NFAT5: variants seen among roughly 807,000 people sequenced by gnomAD.
NFAT5 encodes nuclear factor of activated T-cells 5.
In NFAT5, 31 loss-of-function variants were observed where a neutral mutation model predicts 166.5. That is an observed-to-expected ratio of 0.19 (90% CI 0.14 to 0.25). The LOEUF is 0.25. Among genes scored for constraint, NFAT5 ranks in the 10% least tolerant of loss-of-function variants. The probability of loss-of-function intolerance (pLI) is 1.00; values close to 1 mark genes in which losing one functional copy is unlikely to be tolerated. For synonymous variants in NFAT5, 612 were observed against 639.7 expected (o/e 0.96, Z 0.65); for missense variants, 1,449 against 1,821.8 (o/e 0.80, Z 3.72).
intron 11 of NFAT5, among the ~76,000 whole-genome samples, chr16:69,688,560 C>T (rs1192142905): frequency 1.3e-5 from 2 of 151,718 alleles, no homozygotes; most frequent in East Asian, 3.9e-4. Context: ...TTAGTAGAGA[C>T]GGGGTTTCAC....
chr16:69,658,026 G>T (rs1364155074), intron 6 of NFAT5, among the ~76,000 whole-genome samples: 1 of 150,658 alleles, frequency 6.6e-6, no homozygotes, highest in South Asian at 2.1e-4. Context: ...CAGACTTGCA[G>T]CGAGCCAAGA....
intron 2 of NFAT5, among the ~76,000 whole-genome samples, chr16:69,594,116 G>A (rs771671693): frequency 6.6e-6 from 1 of 152,170 alleles, no homozygotes. Flanking sequence ...ATATACAGTC[G>A]TGTGTAACTT....
At position 69,566,442 on chromosome 16, in the gene NFAT5, GGAGGC is replaced by G. The variant is rs1369629247; in HGVS notation, c.73+73_73+77del. On this transcript the variant is annotated intron_variant, in intron 1 of 14. Coordinates refer to ENST00000349945, the MANE Select transcript of NFAT5 (RefSeq NM_138713.4). This position sits in a 1 kb window ranked among gnomAD's most constrained non-coding sequence, Gnocchi z 5.7. ...AGGGAGACAGGGAGACAGGGCCAGG[GGAGGC>G]GAGGGGTCCCCGTCCCGCCGGGGGC... 4 of 1,335,762 alleles carry G rather than the reference GGAGGC, an allele frequency of 3.0e-6. No homozygotes were observed. The highest frequency in any genetic ancestry group is 4.2e-6 in the Non-Finnish European group (4 of 956,854). The allele number at this position is 1,335,762 out of a possible 1,614,324, so 82.7% of individuals were successfully genotyped here.
chr16:69,612,583 T>A (rs2033753880), intron 2 of NFAT5, among the ~76,000 whole-genome samples: 1 of 152,148 alleles, frequency 6.6e-6, no homozygotes, highest in Non-Finnish European at 1.5e-5. Flanking sequence ...CAGTGGTTCA[T>A]GCCTATAATC....
chr16:69,598,949 G>A (rs12449005), intron 2 of NFAT5, among the ~76,000 whole-genome samples: 35,653 of 150,558 alleles, frequency 0.24, 4,553 homozygotes, highest in East Asian at 0.45. Flanking sequence ...GGGAGGTGGA[G>A]GTTGCAGTGA....
At chr16:69,579,662 G>GA (rs576474630) in intron 2 of NFAT5, among the ~76,000 whole-genome samples, 64 of 151,686 alleles carry the variant, frequency 4.2e-4, no homozygotes, top group African/African-American at 1.5e-3. Context: ...ATTCTGCACA[G>GA]AAAAAAAATA....
chr16:69,608,522 C>T (rs1417167371), intron 2 of NFAT5, among the ~76,000 whole-genome samples: 2 of 151,992 alleles, frequency 1.3e-5, no homozygotes, highest in African/African-American at 2.4e-5. Flanking sequence ...TTTGGGAGGC[C>T]GAGGCGGGCG....
intron 4 of NFAT5, among the ~76,000 whole-genome samples, chr16:69,650,353 G>GT (rs1410024010): frequency 6.6e-6 from 1 of 151,596 alleles, no homozygotes; most frequent in Non-Finnish European, 1.5e-5. Context: ...ATTAGTGGAT[G>GT]TTTTCATGGT....
chr16:69,679,501 G>T, intron 10 of NFAT5, among the ~76,000 whole-genome samples: 1 of 151,904 alleles, frequency 6.6e-6, no homozygotes, highest in Non-Finnish European at 1.5e-5. Context: ...TGTTTACCCA[G>T]CTACGTGGGA....
intron 1 of NFAT5, 149 bp from the exon 2 acceptor site, chr16:69,568,346 A>ATATATGTGTGTG (rs1190306661): frequency 2.4e-4 from 44 of 180,648 alleles, no homozygotes; most frequent in South Asian, 5.8e-4. Flanking sequence ...ATATATATAT[A>ATATATGTGTGTG]TGTGTGTGTG....
At chr16:69,661,934 G>A (rs1163652068) in intron 7 of NFAT5, among the ~76,000 whole-genome samples, 1 of 152,014 alleles carries the variant, frequency 6.6e-6, no homozygotes, top group East Asian at 1.9e-4. Flanking sequence ...ATATAAAATT[G>A]TATATAGGCC....
chr16:69,668,915 T>A (rs1376734306), intron 7 of NFAT5, among the ~76,000 whole-genome samples: 1 of 152,110 alleles, frequency 6.6e-6, no homozygotes, highest in Non-Finnish European at 1.5e-5. Context: ...TAAGCAATCC[T>A]TTTCTTATAT....
chr16:69,679,920 C>A (rs1269949354), intron 10 of NFAT5, among the ~76,000 whole-genome samples: 1 of 152,028 alleles, frequency 6.6e-6, no homozygotes, highest in Non-Finnish European at 1.5e-5. Flanking sequence ...AGATCAGGAC[C>A]ATCCTGGCTA....
In NFAT5 at chr16:69,692,300, G is replaced by A. The variant is rs1232218998; in HGVS notation, c.2475G>A (p.Gln825=). 13 of 1,614,082 alleles carry A rather than the reference G, an allele frequency of 8.1e-6. No homozygotes were observed. The highest frequency in any genetic ancestry group is 1.1e-5 in the Non-Finnish European group (13 of 1,180,050). The change falls in exon 13 of 15, where the codon CAG becomes CAA. Residue 825 remains glutamine (Q), a synonymous_variant. Coordinates refer to ENST00000349945, the MANE Select transcript of NFAT5 (RefSeq NM_138713.4). ...AACAAGTTTTAGAGGCACAGCAGCA[G>A]TTATCTTCAGTTTTATTTTCTGCTC... The part of the protein sequence containing the change: ...LVQQVLEAQQ[Q]LSSVLFSAPD...
intron 2 of NFAT5, among the ~76,000 whole-genome samples, chr16:69,572,584 T>C (rs1445661829): frequency 6.6e-6 from 1 of 152,092 alleles, no homozygotes; most frequent in Non-Finnish European, 1.5e-5. Flanking sequence ...AAACTATTCA[T>C]TTTGGCAAAT....
chr16:69,618,451 G>A (rs2034056778), intron 2 of NFAT5, among the ~76,000 whole-genome samples: 1 of 152,186 alleles, frequency 6.6e-6, no homozygotes, highest in African/African-American at 2.4e-5. Flanking sequence ...CAGTGGACCT[G>A]CAGCCAGTAC....
chr16:69,593,131 C>T (rs1165149568), intron 2 of NFAT5, among the ~76,000 whole-genome samples: 3 of 152,086 alleles, frequency 2.0e-5, no homozygotes, highest in African/African-American at 7.2e-5. Flanking sequence ...CTCTTACTAA[C>T]TATGAATACA....
At position 69,566,927 on chromosome 16, in the gene NFAT5, C is replaced by T. The variant is rs961992765; in HGVS notation, c.73+553C>T. Among the ~76,000 whole-genome samples the T allele has an allele frequency of 3.4e-4, 51 of 152,182 alleles. No individual in the cohort carries two copies. Among genetic ancestry groups the T allele is most frequent in the African/African-American group, 1.2e-3 (49 of 41,448 alleles). ...TCCCTCCGGCCTAGTCCACTCCCTCCCCATGTTGGGACAGCCCCCCTCGAC... is the reference window on the plus strand; with the variant it reads ...TCCCTCCGGCCTAGTCCACTCCCTCTCCATGTTGGGACAGCCCCCCTCGAC... On this transcript the variant is annotated intron_variant, in intron 1 of 14. Transcript: ENST00000349945. The surrounding 1 kb of genome is among the most constrained non-coding windows in gnomAD (Gnocchi z 5.7).
At chr16:69,608,652 C>G (rs1403858875) in intron 2 of NFAT5, among the ~76,000 whole-genome samples, 3 of 151,616 alleles carry the variant, frequency 2.0e-5, no homozygotes, top group African/African-American at 4.8e-5. Context: ...TCATTTTAGT[C>G]AGGCTGTGGT....
Sources: allele counts gnomAD v4.1 joint callset (sites outside exome capture counted in the v4.1 genomes callset), GRCh38; gene constraint gnomAD v4.1.1; non-coding constraint Gnocchi (gnomAD v3.1); transcripts MANE v1.5; gene names NCBI Gene and HGNC (gene_info 2026-07-23, HGNC 2026-07-21).